ADAM29: variants seen among roughly 807,000 people sequenced by gnomAD.
The protein encoded by ADAM29 is ADAM metallopeptidase domain 29, also known as disintegrin and metalloproteinase domain-containing protein 29.
For missense variants in ADAM29, 969 were observed against 1,001.8 expected (o/e 0.97, Z 0.44); for synonymous variants, 367 against 342.3 (o/e 1.07, Z -0.80).
chr4:174,925,479 G>C, intron 2 of ADAM29, among the ~76,000 whole-genome samples: 1 of 152,110 alleles, frequency 6.6e-6, no homozygotes, highest in Non-Finnish European at 1.5e-5. Context: ...CCATGGCTAA[G>C]ACATATAGGA....
chr4:174,952,631 GA>G (rs910455514), intron 4 of ADAM29, among the ~76,000 whole-genome samples: 1 of 151,968 alleles, frequency 6.6e-6, no homozygotes, highest in Non-Finnish European at 1.5e-5. Flanking sequence ...ATTTGAGAGA[GA>G]AAAAAAGTGG....
At chr4:174,945,385 T>C (rs1229822073) in intron 4 of ADAM29, among the ~76,000 whole-genome samples, 1 of 152,210 alleles carries the variant, frequency 6.6e-6, no homozygotes, top group East Asian at 1.9e-4. Context: ...ATATAGATTC[T>C]GGATATTAGA....
intron 2 of ADAM29, among the ~76,000 whole-genome samples, chr4:174,928,799 G>T (rs1743676131): frequency 6.6e-6 from 1 of 152,128 alleles, no homozygotes; most frequent in African/African-American, 2.4e-5. Flanking sequence ...CATTTCTATA[G>T]AGACTGGATG....
intron 3 of ADAM29, among the ~76,000 whole-genome samples, chr4:174,931,773 C>T (rs1233082141): frequency 4.6e-5 from 7 of 151,860 alleles, no homozygotes; most frequent in African/African-American, 9.7e-5. Context: ...AAATCTCTCT[C>T]GTTAGTACCT....
intron 4 of ADAM29, among the ~76,000 whole-genome samples, chr4:174,949,321 G>A (rs1441064131): frequency 6.6e-6 from 1 of 152,186 alleles, no homozygotes; most frequent in Non-Finnish European, 1.5e-5. Context: ...CACTGGCCAT[G>A]CTCCGCTGAA....
At position 174,956,183 on chromosome 4, in the gene ADAM29, G is replaced by C. The variant is rs112361685; in HGVS notation, c.-180-19163G>C. On this transcript the variant is annotated intron_variant, in intron 4 of 4. Coordinates refer to ENST00000359240, the MANE Select transcript of ADAM29 (RefSeq NM_014269.4). ...TCCATCTCCTCCTCATCGATATTTG[G>C]TATCTCATTCCTTAAAATGTGTTCC... 3.4e-3 allele frequency among the ~76,000 whole-genome samples: 513 copies of C among 151,928 alleles called. 3 individuals are homozygous for C. The highest frequency in any genetic ancestry group is 0.017 in the Middle Eastern group (5 of 294).
intron 4 of ADAM29, 140 bp from the exon 5 acceptor site, chr4:174,975,205 AT>A (rs1746693487): frequency 4.4e-6 from 1 of 226,360 alleles, no homozygotes; most frequent in Admixed American, 5.5e-5. Flanking sequence ...ATTCTAGGCA[AT>A]TTTTTGAGTC....
At chr4:174,957,113 AC>A (rs1745553654) in intron 4 of ADAM29, among the ~76,000 whole-genome samples, 1 of 151,940 alleles carries the variant, frequency 6.6e-6, no homozygotes, top group Admixed American at 6.6e-5. Context: ...CTAAATTAGC[AC>A]CTGATTAATT....
chr4:174,969,008 A>AAAAG (rs5864303), intron 4 of ADAM29, among the ~76,000 whole-genome samples: 45,342 of 151,412 alleles, frequency 0.3, 7,373 homozygotes, highest in African/African-American at 0.44. Flanking sequence ...TCTAGAAAAA[A>AAAAG]AAAGAAAGAT....
chr4:174,925,723 C>T (rs1057514865), intron 2 of ADAM29, among the ~76,000 whole-genome samples: 1 of 152,108 alleles, frequency 6.6e-6, no homozygotes, highest in Admixed American at 6.6e-5. Context: ...AAGTGGCTAC[C>T]CACGTAGTTT....
intron 4 of ADAM29, among the ~76,000 whole-genome samples, chr4:174,961,118 T>C (rs926329566): frequency 6.6e-6 from 1 of 152,134 alleles, no homozygotes; most frequent in Non-Finnish European, 1.5e-5. Context: ...GATTCCAGAA[T>C]TAAAAATAAA....
chr4:174,922,048 TTTGGGATCTTGGTTTGATGG>T lies in ADAM29; in HGVS notation c.-451+1257_-451+1276del, dbSNP rs1388906051. Among the ~76,000 whole-genome samples, 3 of 152,210 alleles carry T rather than the reference TTTGGGATCTTGGTTTGATGG, an allele frequency of 2.0e-5. No homozygotes were observed. In the East Asian group the frequency reaches 5.8e-4, roughly 29 times the overall value. On this transcript the variant is annotated intron_variant, in intron 2 of 4. Coordinates refer to ENST00000359240, the MANE Select transcript of ADAM29 (RefSeq NM_014269.4). ...AATTAGTTAATGATTCTTTTTAACC[TTTGGGATCTTGGTTTGATGG>T]AAGTGAATATAAGTATCAAAATTCC... is the stretch of plus-strand genomic sequence containing the variant.
At chr4:174,926,693 AG>A (rs1743537573) in intron 2 of ADAM29, among the ~76,000 whole-genome samples, 1 of 148,696 alleles carries the variant, frequency 6.7e-6, no homozygotes, top group African/African-American at 2.5e-5. Flanking sequence ...ACTGCTCTCC[AG>A]CCTAGGTGAC....
chr4:174,951,160 T>C (rs942405130), intron 4 of ADAM29, among the ~76,000 whole-genome samples: 3 of 152,198 alleles, frequency 2.0e-5, no homozygotes, highest in African/African-American at 7.2e-5. Context: ...TCTTTAGAGT[T>C]TTGAAAAATA....
intron 4 of ADAM29, among the ~76,000 whole-genome samples, chr4:174,950,375 C>T (rs762945656): frequency 6.6e-6 from 1 of 152,186 alleles, no homozygotes; most frequent in Non-Finnish European, 1.5e-5. Flanking sequence ...CCCTTCAGAC[C>T]TGGAATCCTA....
chr4:174,958,908 A>C (rs2111050102), intron 4 of ADAM29, among the ~76,000 whole-genome samples: 1 of 151,938 alleles, frequency 6.6e-6, no homozygotes, highest in East Asian at 1.9e-4. Flanking sequence ...AGTGTTCCAC[A>C]TTCTCCCTTC....
chr4:174,962,316 C>T (rs1006884709), intron 4 of ADAM29, among the ~76,000 whole-genome samples: 4 of 151,986 alleles, frequency 2.6e-5, no homozygotes, highest in African/African-American at 7.2e-5. Flanking sequence ...TCAAGACCAT[C>T]CTGGCTAACA....
chr4:174,933,028 A>G (rs10008987), intron 3 of ADAM29, among the ~76,000 whole-genome samples: 1,773 of 152,284 alleles, frequency 0.012, 37 homozygotes, highest in African/African-American at 0.041. Flanking sequence ...ACATTTCCTT[A>G]ACTGGCAGAG....
chr4:174,923,759 T>C (rs1365400703), intron 2 of ADAM29: 2 of 151,982 alleles, frequency 1.3e-5, no homozygotes, highest in African/African-American at 2.4e-5. Flanking sequence ...TTGTGTATAC[T>C]CCCTAAACAC....
Sources: allele counts gnomAD v4.1 joint callset (sites outside exome capture counted in the v4.1 genomes callset), GRCh38; gene constraint gnomAD v4.1.1; transcripts MANE v1.5; gene names NCBI Gene and HGNC (gene_info 2026-07-23, HGNC 2026-07-21).